Variants in DCAF1 observed in about 807,000 individuals in gnomAD.
The protein encoded by DCAF1 is DDB1- and CUL4-associated factor 1.
In DCAF1, 15 loss-of-function variants were observed where a neutral mutation model predicts 128.0. That is an observed-to-expected ratio of 0.12 (90% CI 0.08 to 0.18). The LOEUF is 0.18. DCAF1 is among the 10% of genes least tolerant of loss of function. The pLI is 1.00. For missense variants in DCAF1, 988 were observed against 1,649.5 expected, an observed-to-expected ratio of 0.60 and a Z score of 6.95; for synonymous variants, 610 against 603.0, an observed-to-expected ratio of 1.01 and a Z score of -0.17.
chr3:51,476,264 G>A (rs1425870179), intron 3 of DCAF1, among the ~76,000 whole-genome samples: 3 of 151,540 alleles, frequency 2.0e-5, no homozygotes, highest in African/African-American at 7.3e-5. Flanking sequence ...GGTGGCGGGC[G>A]CCTATAATCC....
chr3:51,486,399 G>A (rs1364447794), intron 2 of DCAF1, among the ~76,000 whole-genome samples: 1 of 151,020 alleles, frequency 6.6e-6, no homozygotes, highest in East Asian at 1.9e-4. Flanking sequence ...TCTCACTGTT[G>A]CCCAGGCTGG....
intron 2 of DCAF1, among the ~76,000 whole-genome samples, chr3:51,495,614 T>C (rs1427955199): frequency 6.7e-6 from 1 of 150,230 alleles, no homozygotes; most frequent in Non-Finnish European, 1.5e-5. Flanking sequence ...AGTCAGCAAC[T>C]GAGTGTGGTG....
chr3:51,502,021 G>T (rs1458296043), upstream of DCAF1, among the ~76,000 whole-genome samples: 1 of 152,102 alleles, frequency 6.6e-6, no homozygotes, highest in African/African-American at 2.4e-5. Flanking sequence ...ACTCCTTCAG[G>T]TGACTTTCCT....
rs368765432 is a variant in DCAF1 at position 51,477,330 on chromosome 3, CA to C, written c.111-6326del. Among the ~76,000 whole-genome samples, 13 of 147,006 alleles carry C rather than the reference CA, an allele frequency of 8.8e-5. No individual in the cohort carries two copies. The East Asian group carries it at 1.8e-3, about 20-fold the overall frequency. ...CAGATGAGTGAAGAAAAAAAAAAAA[CA>C]AAAAACCCTAGAACTATTTTAGAAA... On this transcript the variant is annotated intron_variant, in intron 3 of 24. Coordinates refer to ENST00000684031, the MANE Select transcript of DCAF1 (RefSeq NM_001387579.1).
intron 3 of DCAF1, among the ~76,000 whole-genome samples, chr3:51,473,490 C>CAAA (rs113483060): frequency 3.9e-4 from 9 of 22,818 alleles, no homozygotes; most frequent in South Asian, 1.4e-3. Context: ...GACTCCATCT[C>CAAA]AAAAAAAAAA....
At chr3:51,426,931 A>G (rs1423349860) in intron 13 of DCAF1, among the ~76,000 whole-genome samples, 2 of 152,190 alleles carry the variant, frequency 1.3e-5, no homozygotes, top group Non-Finnish European at 2.9e-5. Context: ...GCCTTAAACT[A>G]ATTTGTGAAA....
intron 9 of DCAF1, among the ~76,000 whole-genome samples, chr3:51,434,226 A>G (rs2107599304): frequency 6.6e-6 from 1 of 152,234 alleles, no homozygotes; most frequent in Non-Finnish European, 1.5e-5. Flanking sequence ...ACATAGCACA[A>G]CCCCATCTCC....
At chr3:51,454,058 T>C (rs1218191951) in intron 6 of DCAF1, among the ~76,000 whole-genome samples, 12 of 151,852 alleles carry the variant, frequency 7.9e-5, no homozygotes, top group East Asian at 1.9e-4. Flanking sequence ...GAGCAACTAA[T>C]TTTTTTTTCT....
chr3:51,443,115 AT>A (rs543823897), intron 7 of DCAF1, among the ~76,000 whole-genome samples: 24 of 152,258 alleles, frequency 1.6e-4, no homozygotes, highest in Admixed American at 1.3e-4. Context: ...GGGCAGATGG[AT>A]GGATATTATA....
intron 3 of DCAF1, among the ~76,000 whole-genome samples, chr3:51,480,127 T>A (rs1253726939): frequency 6.6e-6 from 1 of 150,894 alleles, no homozygotes; most frequent in African/African-American, 2.4e-5. Flanking sequence ...AAAAAAAAAT[T>A]TTTTTTAATG....
chr3:51,416,072 G>A (rs1052996416), intron 18 of DCAF1, among the ~76,000 whole-genome samples: 6 of 152,006 alleles, frequency 3.9e-5, no homozygotes, highest in Admixed American at 2.0e-4. Flanking sequence ...CTGGAAGGCT[G>A]CTCTTGCTTC....
chr3:51,501,944 TA>T (rs1553664450), upstream of DCAF1, among the ~76,000 whole-genome samples: 2 of 152,124 alleles, frequency 1.3e-5, no homozygotes, highest in Non-Finnish European at 2.9e-5. Context: ...TAATCACCTT[TA>T]CAGATGAGAA....
Position 51,470,000 on chromosome 3 carries a change from G to A in DCAF1, c.187+929C>T, listed in dbSNP as rs372451706. On this transcript the variant is annotated intron_variant, in intron 4 of 24. Coordinates refer to ENST00000684031, the MANE Select transcript of DCAF1 (RefSeq NM_001387579.1). ...CGTGCCACTGCACTGCCGGCTGGGC[G>A]ACAGAGCAAGATGCCATCTCAAAAA... Among the ~76,000 whole-genome samples the A allele has an allele frequency of 5.3e-5, 8 of 151,686 alleles. No individual in the cohort carries two copies. In the South Asian group the frequency reaches 8.4e-4, roughly 16 times the overall value.
chr3:51,454,260 G>A (rs1038883285), intron 6 of DCAF1, among the ~76,000 whole-genome samples: 9 of 151,964 alleles, frequency 5.9e-5, no homozygotes, highest in East Asian at 1.9e-4. Context: ...AGGCTACATC[G>A]CCAGTCTTGA....
chr3:51,441,994 T>C, intron 7 of DCAF1, 97 bp from the exon 8 acceptor site: 11 of 1,479,214 alleles, frequency 7.4e-6, no homozygotes, highest in Non-Finnish European at 8.1e-6. Context: ...TGGAGACTCA[T>C]GCAGTGAGCC....
chr3:51,481,510 G>A (rs1053138992), intron 3 of DCAF1, among the ~76,000 whole-genome samples: 16 of 151,930 alleles, frequency 1.1e-4, no homozygotes, highest in African/African-American at 3.6e-4. Flanking sequence ...TGGCCAACAT[G>A]GCAAAACCCT....
chr3:51,446,019 A>T (rs540315750), intron 6 of DCAF1, among the ~76,000 whole-genome samples: 30 of 124,928 alleles, frequency 2.4e-4, no homozygotes, highest in African/African-American at 8.7e-4. Context: ...TTCCAGACAG[A>T]GTCTTGCTCT....
chr3:51,428,331 CTTT>C lies in DCAF1; in HGVS notation c.1678-793_1678-791del, dbSNP rs35486639. ...GCTGACACAGGTGTACCACCATGCC[CTTT>C]TTTTTTTTTTTTTTTTTGAGACAGT... On this transcript the variant is annotated intron_variant, in intron 12 of 24. Transcript: ENST00000684031. 2.7e-4 allele frequency among the ~76,000 whole-genome samples: 30 copies of C among 110,492 alleles called. No homozygotes were observed. In the East Asian group the frequency reaches 4.1e-3, roughly 15 times the overall value. The allele number at this position is 110,492 out of a possible 152,430, so 72.5% of individuals were successfully genotyped here.
rs1559480860 is a variant in DCAF1, at chr3:51,413,395, G to C, written c.3932-9C>G. On this transcript the variant is annotated splice_polypyrimidine_tract_variant and intron_variant, in intron 20 of 24. Coordinates refer to ENST00000684031, the MANE Select transcript of DCAF1 (RefSeq NM_001387579.1). ...ATCTGCCTGCAACATAGCTTGAGGG[G>C]GAGTGGGGGAGGAAACACTATTAGG... 5 of 1,608,944 alleles carry C rather than the reference G, an allele frequency of 3.1e-6. No homozygotes were observed. The highest frequency in any genetic ancestry group is 4.2e-6 in the Non-Finnish European group (5 of 1,177,462).
Sources: gnomAD v4.1 joint callset for allele counts (sites outside exome capture counted in the v4.1 genomes callset) on GRCh38, gnomAD v4.1.1 for gene constraint, MANE v1.5 for transcripts, NCBI Gene and HGNC (gene_info 2026-07-23, HGNC 2026-07-21) for gene names.